The following FAM185A variants were observed in gnomAD, a reference collection of about 807,000 sequenced individuals.
FAM185A encodes family with sequence similarity 185 member A, also known as protein FAM185A.
FAM185A carries 21 observed loss-of-function variants against 45.7 expected under a neutral mutation model. The ratio of observed to expected loss-of-function variants is 0.46; its 90% CI spans 0.33 to 0.66. The LOEUF is 0.66. Ranked by LOEUF, FAM185A falls within the 30% of genes least tolerant of loss-of-function variation. The probability of loss-of-function intolerance (pLI) is 0.03; values close to 1 mark genes in which losing one functional copy is unlikely to be tolerated. For missense variants in FAM185A, 305 were observed against 485.4 expected (o/e 0.63, Z 3.49); for synonymous variants, 117 against 194.0 (o/e 0.60, Z 3.30).
the FAM185A span, among the ~76,000 whole-genome samples, chr7:102,816,726 A>G: frequency 6.6e-6 from 1 of 152,230 alleles, no homozygotes; most frequent in African/African-American, 2.4e-5. Context: ...AATAGTGAAC[A>G]TAATGCCCAG....
the FAM185A span, among the ~76,000 whole-genome samples, chr7:102,827,567 GC>G: frequency 6.6e-6 from 1 of 151,584 alleles, no homozygotes. Context: ...GGGTACATGT[GC>G]ACAATGTGCA....
the FAM185A span, among the ~76,000 whole-genome samples, chr7:102,834,032 T>TGAAGGAAGGAAGGAAGGAAG: frequency 2.8e-4 from 21 of 75,468 alleles, no homozygotes; most frequent in East Asian, 7.9e-4. Context: ...GAAACCATGA[T>TGAAGGAAGGAAGGAAGGAAG]GAAGGAAGGA....
rs571827474 is a variant in FAM185A at position 102,772,611 on chromosome 7, C to T, written c.835+161C>T. On this transcript the variant is annotated intron_variant, in intron 5 of 7. Coordinates refer to ENST00000413034, the MANE Select transcript of FAM185A (RefSeq NM_001145268.2). ...AACCAATGTACTAATTATGTCCACT[C>T]GAAGAAAATCGCCTGAGCTGGTATT... Among the ~76,000 whole-genome samples the T allele has an allele frequency of 4.0e-5, 6 of 151,378 alleles. No individual in the cohort carries two copies. The South Asian group carries it at 1.0e-3, about 26-fold the overall frequency.
chr7:102,769,882 C>T (rs1584300254), intron 4 of FAM185A, among the ~76,000 whole-genome samples: 1 of 151,638 alleles, frequency 6.6e-6, no homozygotes, highest in East Asian at 2.0e-4. Flanking sequence ...CCTCTATGAC[C>T]CATTAATCCA....
Position 102,808,489 on chromosome 7 carries a change from G to A in FAM185A, c.*87G>A, listed in dbSNP as rs879082834. On this transcript the variant is annotated 3_prime_UTR_variant, in exon 8 of 8. Transcript: ENST00000413034. ...TGTAAATCCCACCATTCATATAAAG[G>A]TTGAAAACAACAAATTGAGAATGAA... 1 of 857,078 alleles carries A rather than the reference G, an allele frequency of 1.2e-6. No individual in the cohort carries two copies. The highest frequency in any genetic ancestry group is 1.5e-5 in the South Asian group (1 of 65,404). 53.1% of individuals were successfully genotyped at this position (857,078 alleles called of 1,614,324 possible).
At chr7:102,760,167 A>C (rs1376838859) in intron 3 of FAM185A, among the ~76,000 whole-genome samples, 1 of 152,150 alleles carries the variant, frequency 6.6e-6, no homozygotes, top group Non-Finnish European at 1.5e-5. Flanking sequence ...ATGAAGCCAC[A>C]GTACTTCCTT....
At chr7:102,809,957 T>C (rs916762460), downstream of FAM185A, among the ~76,000 whole-genome samples, 2 of 152,120 alleles carry the variant, frequency 1.3e-5, no homozygotes, top group Non-Finnish European at 2.9e-5. Context: ...AGTGTGGGTA[T>C]CTTCCCCGTC....
At chr7:102,837,976 A>G in the FAM185A span, among the ~76,000 whole-genome samples, 2 of 152,392 alleles carry the variant, frequency 1.3e-5, no homozygotes, top group Admixed American at 1.3e-4. Context: ...AATTAGTTCA[A>G]GATGAGAGAG....
At chr7:102,789,940 A>T (rs1796049846) in intron 7 of FAM185A, among the ~76,000 whole-genome samples, 1 of 152,208 alleles carries the variant, frequency 6.6e-6, no homozygotes, top group Admixed American at 6.5e-5. Flanking sequence ...GAATGTCAGT[A>T]TCACTTTCAC....
rs1793188500 is a variant in FAM185A, at chr7:102,749,342, G to A, written c.135G>A (p.Glu45=). 2 of 1,549,308 alleles carry A rather than the reference G, an allele frequency of 1.3e-6. No individual in the cohort carries two copies. The highest frequency in any genetic ancestry group is 1.7e-6 in the Non-Finnish European group (2 of 1,146,736). ...QARPYSSGGS[E]RWPGSETEVP... ...GGCCGTACAGCTCAGGTGGGAGCGAGCGCTGGCCCGGATCGGAGACTGAGG... is the reference window on the plus strand; with the variant it reads ...GGCCGTACAGCTCAGGTGGGAGCGAACGCTGGCCCGGATCGGAGACTGAGG... The change falls in exon 1 of 8, where the codon GAG becomes GAA. Residue 45 remains glutamate, a synonymous_variant. Transcript: ENST00000413034.
At chr7:102,751,075 G>A (rs1271012978) in intron 1 of FAM185A, among the ~76,000 whole-genome samples, 4 of 152,062 alleles carry the variant, frequency 2.6e-5, no homozygotes, top group Admixed American at 1.3e-4. Flanking sequence ...TACCATGCCC[G>A]GCTAATGTTT....
At chr7:102,802,575 T>A (rs1016816548) in intron 7 of FAM185A, among the ~76,000 whole-genome samples, 1 of 152,158 alleles carries the variant, frequency 6.6e-6, no homozygotes, top group Non-Finnish European at 1.5e-5. Context: ...TTCACAGCCC[T>A]AAATGCGTAC....
chr7:102,775,841 C>T (rs1322713062), intron 5 of FAM185A, among the ~76,000 whole-genome samples: 2 of 152,110 alleles, frequency 1.3e-5, no homozygotes, highest in South Asian at 2.1e-4. Flanking sequence ...TCTGTTGGTT[C>T]GTAAGCAGTG....
chr7:102,848,749 T>C, the FAM185A span, among the ~76,000 whole-genome samples: 2 of 151,888 alleles, frequency 1.3e-5, no homozygotes, highest in African/African-American at 4.8e-5. Flanking sequence ...ATTCCAGCAG[T>C]TTGGGAGGCC....
At chr7:102,803,921 C>A (rs1266470096) in intron 7 of FAM185A, among the ~76,000 whole-genome samples, 1 of 152,066 alleles carries the variant, frequency 6.6e-6, no homozygotes, top group Non-Finnish European at 1.5e-5. Flanking sequence ...AATAACTCAA[C>A]CCCTTTTACA....
chr7:102,842,806 T>C, the FAM185A span, among the ~76,000 whole-genome samples: 1,608 of 152,338 alleles, frequency 0.011, 32 homozygotes, highest in African/African-American at 0.036. Flanking sequence ...ATAGCACAGA[T>C]AGTCCAGAGT....
the FAM185A span, chr7:102,827,078 T>C: frequency 2.3e-6 from 1 of 438,674 alleles, no homozygotes; most frequent in Non-Finnish European, 4.7e-6. Flanking sequence ...CCTTGTGACT[T>C]GCTTTGACCA....
chr7:102,761,809 G>A (rs1435326235), intron 4 of FAM185A, among the ~76,000 whole-genome samples: 2 of 151,932 alleles, frequency 1.3e-5, no homozygotes, highest in African/African-American at 4.8e-5. Context: ...GACTACAGGT[G>A]TGCGCTATCA....
chr7:102,824,792 T>C, the FAM185A span, among the ~76,000 whole-genome samples: 1 of 150,708 alleles, frequency 6.6e-6, no homozygotes, highest in African/African-American at 2.4e-5. Context: ...GGCCTTTTTT[T>C]TTTTTTTTTT....
Sources: gnomAD v4.1 joint callset for allele counts (sites outside exome capture counted in the v4.1 genomes callset) on GRCh38, gnomAD v4.1.1 for gene constraint, MANE v1.5 for transcripts, NCBI Gene and HGNC (gene_info 2026-07-23, HGNC 2026-07-21) for gene names.